WWOX: variants seen among roughly 807,000 people sequenced by gnomAD.
WWOX encodes WW domain-containing oxidoreductase.
WWOX carries 69 observed loss-of-function variants against 46.2 expected under a neutral mutation model. That is an observed-to-expected ratio of 1.49 (90% CI 1.23 to 1.82). The LOEUF (loss-of-function observed/expected upper bound fraction) is 1.82, where lower values mean the gene tolerates loss of function less well. Among genes scored for constraint, WWOX ranks in the 40% most tolerant of loss-of-function variants. WWOX has a pLI of 0.00. For missense variants in WWOX, 919 were observed against 542.6 expected (o/e 1.69, Z -6.89); for synonymous variants, 359 against 202.6 (o/e 1.77, Z -6.56).
At chr16:79,026,037 G>C (rs1447421532) in intron 8 of WWOX, among the ~76,000 whole-genome samples, 1 of 151,420 alleles carries the variant, frequency 6.6e-6, no homozygotes, top group Non-Finnish European at 1.5e-5. Flanking sequence ...CTGGTCCCAG[G>C]CGATCTGCCT....
At chr16:78,287,693 G>A (rs1349732982) in intron 5 of WWOX, among the ~76,000 whole-genome samples, 1 of 152,148 alleles carries the variant, frequency 6.6e-6, no homozygotes, top group Non-Finnish European at 1.5e-5. Flanking sequence ...GGCCAAAACG[G>A]CCATCTCCTC....
chr16:78,554,916 C>G (rs574999434), intron 8 of WWOX, among the ~76,000 whole-genome samples: 103 of 152,154 alleles, frequency 6.8e-4, no homozygotes, highest in African/African-American at 2.4e-3. Context: ...TAAGCCTTAC[C>G]CAAGCATTAA....
At chr16:78,727,552 T>A (rs1192272616) in intron 8 of WWOX, among the ~76,000 whole-genome samples, 1 of 152,246 alleles carries the variant, frequency 6.6e-6, no homozygotes, top group Non-Finnish European at 1.5e-5. Flanking sequence ...ACACAAGGTC[T>A]GGGTCCTGAG....
intron 8 of WWOX, among the ~76,000 whole-genome samples, chr16:78,987,341 G>A (rs1280105318): frequency 6.6e-6 from 1 of 152,156 alleles, no homozygotes; most frequent in African/African-American, 2.4e-5. Context: ...CCTTGTATCG[G>A]GTAGGTTGGA....
intron 8 of WWOX, among the ~76,000 whole-genome samples, chr16:79,118,265 A>C (rs1008858554): frequency 6.6e-6 from 1 of 152,226 alleles, no homozygotes; most frequent in African/African-American, 2.4e-5. Flanking sequence ...AGAGAAGGAG[A>C]ACAGCAGGTT....
chr16:78,366,968 C>T lies in WWOX; in HGVS notation c.517-19892C>T, dbSNP rs2081548545. Among the ~76,000 whole-genome samples, 6 of 91,090 alleles carry T rather than the reference C, an allele frequency of 6.6e-5. No individual in the cohort carries two copies. The South Asian group carries it at 2.4e-3, about 36-fold the overall frequency. The allele number at this position is 91,090 out of a possible 152,430, so 59.8% of individuals were successfully genotyped here. A position where few individuals can be genotyped will look rare whatever the true frequency, so the allele number is the denominator to read the frequency against. ...TTTTTTTTTTGTATCACAAAAGTTA[C>T]ATTTTTTTTTTTTTTTTTTTTTTTT... On this transcript the variant is annotated intron_variant, in intron 5 of 8. Transcript: ENST00000566780.
chr16:79,032,322 T>C (rs999723623), intron 8 of WWOX, among the ~76,000 whole-genome samples: 1 of 144,176 alleles, frequency 6.9e-6, no homozygotes, highest in African/African-American at 2.6e-5. Flanking sequence ...ATGTAGTCTA[T>C]ATATTATATT....
chr16:78,944,544 T>C (rs1398705606), intron 8 of WWOX, among the ~76,000 whole-genome samples: 3 of 152,206 alleles, frequency 2.0e-5, no homozygotes, highest in African/African-American at 7.2e-5. Context: ...CGAATCAAGC[T>C]GTGGTCTTGA....
chr16:78,442,937 A>C (rs1017799776), intron 8 of WWOX, among the ~76,000 whole-genome samples: 1 of 152,102 alleles, frequency 6.6e-6, no homozygotes, highest in Non-Finnish European at 1.5e-5. Flanking sequence ...CCTAGCTAAC[A>C]TGGTGAAACC....
At chr16:78,586,943 A>G (rs2045222602) in intron 8 of WWOX, among the ~76,000 whole-genome samples, 1 of 152,172 alleles carries the variant, frequency 6.6e-6, no homozygotes, top group African/African-American at 2.4e-5. Context: ...TAACCCTACA[A>G]GATATGCCAA....
chr16:78,609,948 C>A (rs2045859112), intron 8 of WWOX, among the ~76,000 whole-genome samples: 1 of 151,948 alleles, frequency 6.6e-6, no homozygotes, highest in Non-Finnish European at 1.5e-5. Flanking sequence ...ATAGAATAAA[C>A]AGGCTCAGAG....
At chr16:78,384,247 A>G (rs546152532) in intron 5 of WWOX, among the ~76,000 whole-genome samples, 66 of 152,224 alleles carry the variant, frequency 4.3e-4, no homozygotes, top group Non-Finnish European at 7.6e-4. Flanking sequence ...CTTGTGATAC[A>G]TTCACATTTC....
At chr16:78,863,121 C>G (rs1432335918) in intron 8 of WWOX, among the ~76,000 whole-genome samples, 1 of 151,932 alleles carries the variant, frequency 6.6e-6, no homozygotes, top group African/African-American at 2.4e-5. Context: ...CCAAGCCTGG[C>G]TAATTTTTGT....
At chr16:78,230,101 A>G (rs928795097) in intron 5 of WWOX, among the ~76,000 whole-genome samples, 11 of 152,038 alleles carry the variant, frequency 7.2e-5, no homozygotes, top group African/African-American at 2.7e-4. Flanking sequence ...GCTGGTCTCG[A>G]TCTCCTGGGC....
At chr16:78,817,472 C>G (rs1478841814) in intron 8 of WWOX, among the ~76,000 whole-genome samples, 1 of 152,144 alleles carries the variant, frequency 6.6e-6, no homozygotes, top group Non-Finnish European at 1.5e-5. Context: ...GAGTTGGCTT[C>G]TCTGGATGTG....
At chr16:78,185,119 T>C (rs778939119) in intron 5 of WWOX, among the ~76,000 whole-genome samples, 1 of 152,128 alleles carries the variant, frequency 6.6e-6, no homozygotes, top group Non-Finnish European at 1.5e-5. Flanking sequence ...AAAGCAAGTC[T>C]CAGGGCCAAG....
At chr16:78,913,937 A>C (rs1231017458) in intron 8 of WWOX, among the ~76,000 whole-genome samples, 2 of 152,074 alleles carry the variant, frequency 1.3e-5, no homozygotes, top group African/African-American at 4.8e-5. Context: ...CTTGGATTAT[A>C]GACATGATCC....
chr16:78,571,340 G>A (rs187047592), intron 8 of WWOX, among the ~76,000 whole-genome samples: 5 of 152,242 alleles, frequency 3.3e-5, no homozygotes, highest in Admixed American at 3.3e-4. Flanking sequence ...CATCATAGAT[G>A]ACTTTGTGAA....
intron 8 of WWOX, among the ~76,000 whole-genome samples, chr16:78,598,281 G>T (rs1019840385): frequency 6.6e-6 from 1 of 152,152 alleles, no homozygotes; most frequent in Admixed American, 6.6e-5. Context: ...TGTGCTGTTA[G>T]GTTTAATAAA....
Sources: allele counts gnomAD v4.1 joint callset (sites outside exome capture counted in the v4.1 genomes callset), GRCh38; gene constraint gnomAD v4.1.1; transcripts MANE v1.5; gene names NCBI Gene and HGNC (gene_info 2026-07-23, HGNC 2026-07-21).